Variants in GLYAT observed in about 807,000 individuals in gnomAD.
GLYAT encodes the protein glycine N-acyltransferase.
A neutral mutation model predicts 22.8 loss-of-function variants in GLYAT; 25 were observed. That is an observed-to-expected ratio of 1.09 (90% confidence interval 0.80 to 1.53). The LOEUF (loss-of-function observed/expected upper bound fraction) is 1.53, where lower values mean the gene tolerates loss of function less well. Ranked by LOEUF, GLYAT falls within the 40% of genes most tolerant of loss-of-function variation. The probability of loss-of-function intolerance (pLI) is 0.00; values close to 1 mark genes in which losing one functional copy is unlikely to be tolerated. For synonymous variants in GLYAT, 140 were observed against 122.7 expected (o/e 1.14, Z -0.93); for missense variants, 411 against 353.9 (o/e 1.16, Z -1.29).
intron 2 of GLYAT, among the ~76,000 whole-genome samples, 187 bp from the exon 3 acceptor site, chr11:58,715,610 AC>A (rs1306005273): frequency 6.6e-6 from 1 of 152,178 alleles, no homozygotes; most frequent in Non-Finnish European, 1.5e-5. Context: ...AGGGCAGACA[AC>A]CACTGTATTA....
intron 3 of GLYAT, among the ~76,000 whole-genome samples, 199 bp downstream of exon 3, chr11:58,715,117 T>C (rs1256704733): frequency 6.6e-6 from 1 of 152,092 alleles, no homozygotes; most frequent in African/African-American, 2.4e-5. Flanking sequence ...TGTATCCTGT[T>C]TATCTTCTGT....
chr11:58,725,842 G>T (rs1442250547), intron 1 of GLYAT, among the ~76,000 whole-genome samples: 1 of 152,172 alleles, frequency 6.6e-6, no homozygotes, highest in Non-Finnish European at 1.5e-5. Context: ...GGGGTGGGCT[G>T]TCCACATGTT....
At chr11:58,731,549 A>T (rs756123147) in intron 1 of GLYAT, among the ~76,000 whole-genome samples, 1 of 152,204 alleles carries the variant, frequency 6.6e-6, no homozygotes, top group Admixed American at 6.5e-5. Context: ...CAATAATTAC[A>T]TTAAAAAAAT....
In GLYAT at chr11:58,708,794, T is replaced by C. The variant is rs1055357299; in HGVS notation, c.*972A>G. On this transcript the variant is annotated 3_prime_UTR_variant, in exon 6 of 6. Transcript: ENST00000344743. ...ATTTTTAATTATTTTATTATTATTTTAAATAAACAAATAAGTTCAGACTGT... is the reference window on the plus strand; with the variant it reads ...ATTTTTAATTATTTTATTATTATTTCAAATAAACAAATAAGTTCAGACTGT... The C allele has an allele frequency of 1.3e-5, 2 of 152,194 alleles. No homozygotes were observed. Among genetic ancestry groups the C allele is most frequent in the African/African-American group, 4.8e-5 (2 of 41,448 alleles). The allele number at this position is 152,194 out of a possible 1,614,324, so 9.4% of individuals were successfully genotyped here. A position where few individuals can be genotyped will look rare whatever the true frequency, so the allele number is the denominator to read the frequency against.
At chr11:58,710,349 G>A (rs1179649128) in intron 5 of GLYAT, 181 bp from the exon 6 acceptor site, 28 of 1,053,698 alleles carry the variant, frequency 2.7e-5, no homozygotes, top group Non-Finnish European at 2.0e-5. Context: ...GAGGAAGAAA[G>A]CAGGAAGGGC....
At position 58,710,149 on chromosome 11, in the gene GLYAT, G is replaced by A. The variant is rs368483264; in HGVS notation, c.508C>T (p.Leu170Phe). 2 of 1,613,042 alleles carry A rather than the reference G, an allele frequency of 1.2e-6. No homozygotes were observed. The highest frequency in any genetic ancestry group is 1.3e-5 in the African/African-American group (1 of 75,046). Residue 170 changes from leucine (L) to phenylalanine (F), a missense_variant, in exon 6 of 6, where the codon CTC becomes TTC. By Grantham distance (22) the Leu-to-Phe change is conservative. Coordinates refer to ENST00000344743, the MANE Select transcript of GLYAT (RefSeq NM_201648.3). ...GCATGGGTAACATCCATGGATGAGA[G>A]TTTAAACATCTCTTGGTTGCTATGG... ...PKAINQEMFK[L>F]SSMDVTHAHL...
intron 1 of GLYAT, among the ~76,000 whole-genome samples, chr11:58,728,029 G>A (rs1047201562): frequency 3.7e-5 from 4 of 108,250 alleles, no homozygotes; most frequent in African/African-American, 1.4e-4. Context: ...GTGCACTTTA[G>A]TTCTTTTCCT....
chr11:58,712,154 G>T (rs980191868), intron 4 of GLYAT, among the ~76,000 whole-genome samples: 1 of 152,190 alleles, frequency 6.6e-6, no homozygotes, highest in African/African-American at 2.4e-5. Flanking sequence ...GAATTATTAG[G>T]TTTGCTATGC....
chr11:58,731,345 A>G (rs998568601), intron 1 of GLYAT, among the ~76,000 whole-genome samples: 2 of 152,146 alleles, frequency 1.3e-5, no homozygotes, highest in African/African-American at 4.8e-5. Flanking sequence ...TTATTCATTT[A>G]TTAGTCGAGA....
chr11:58,724,196 T>C (rs1461442120), intron 2 of GLYAT: 2 of 451,044 alleles, frequency 4.4e-6, no homozygotes, highest in Admixed American at 7.7e-5. Context: ...ACTCAGTATT[T>C]GTGATATATT....
chr11:58,730,915 T>A (rs929487589), intron 1 of GLYAT, among the ~76,000 whole-genome samples: 1 of 152,168 alleles, frequency 6.6e-6, no homozygotes, highest in Non-Finnish European at 1.5e-5. Context: ...ATTAACATAA[T>A]GCCTACAGAC....
chr11:58,724,443 C>G lies in GLYAT; in HGVS notation c.54G>C (p.Leu18Phe), dbSNP rs554742715. 6.2e-7 allele frequency: 1 copy of G among 1,606,260 alleles called. No individual in the cohort carries two copies. ...AQMLQMLEKS[L>F]RKSLPASLKV... The stretch of plus-strand genomic sequence containing the variant: ...TTAAGGATGCTGGGAGGCTCTTCCT[C>G]AAGGATTTCTCCAGCATCTGCAGCA... Residue 18 changes from leucine to phenylalanine, a missense_variant, in exon 2 of 6, where the codon TTG (leucine) becomes TTC (phenylalanine). Physicochemically the swap from Leu to Phe is conservative, Grantham distance 22. Transcript: ENST00000344743.
intron 1 of GLYAT, among the ~76,000 whole-genome samples, chr11:58,725,129 T>C (rs1287131043): frequency 1.3e-5 from 2 of 152,166 alleles, no homozygotes; most frequent in Non-Finnish European, 2.9e-5. Context: ...CATTCTGACA[T>C]GGTCTAAATA....
At position 58,730,216 on chromosome 11, in the gene GLYAT, T is replaced by C. The variant is rs1462712338; in HGVS notation, c.-16+1619A>G. ...TAGGCTGAGCATGGTGGCTTGCACC[T>C]GTAATTCCAGCACTTTCAGAGGCCA... On this transcript the variant is annotated intron_variant, in intron 1 of 5. Transcript: ENST00000344743. Among the ~76,000 whole-genome samples the C allele has an allele frequency of 3.3e-5, 5 of 152,144 alleles. No homozygotes were observed. In the East Asian group the frequency reaches 9.6e-4, roughly 29 times the overall value.
rs750290194 is a variant in GLYAT at position 58,710,700 on chromosome 11, G to C, written c.378C>G (p.Val126=). Reference sequence around the variant, plus strand: ...TATAGAGAATGCGTTGTGTTTGTTTGACTTTGAAGGACTTAATGGCTGCAA... The same window carrying C: ...TATAGAGAATGCGTTGTGTTTGTTTCACTTTGAAGGACTTAATGGCTGCAA... ...QNLAAIKSFK[V]KQTQRILYMA... Residue 126 remains valine (V), a synonymous_variant, in exon 5 of 6, where the codon GTC becomes GTG. Transcript: ENST00000344743. 6.2e-7 allele frequency: 1 copy of C among 1,613,462 alleles called. No individual in the cohort carries two copies. The highest frequency in any genetic ancestry group is 8.5e-7 in the Non-Finnish European group (1 of 1,179,446).
At chr11:58,716,812 C>T (rs1444578610) in intron 2 of GLYAT, among the ~76,000 whole-genome samples, 1 of 152,038 alleles carries the variant, frequency 6.6e-6, no homozygotes, top group Non-Finnish European at 1.5e-5. Flanking sequence ...GACACATGCC[C>T]AAGGTGGCTG....
At chr11:58,713,612 G>C (rs1488236459) in intron 3 of GLYAT, among the ~76,000 whole-genome samples, 1 of 152,066 alleles carries the variant, frequency 6.6e-6, no homozygotes, top group African/African-American at 2.4e-5. Flanking sequence ...TGCAGTTCCA[G>C]AGAAACAAAC....
intron 1 of GLYAT, 76 bp downstream of exon 1, chr11:58,731,759 T>A (rs1398847006): frequency 6.6e-6 from 1 of 152,158 alleles, no homozygotes; most frequent in African/African-American, 2.4e-5. Flanking sequence ...TTCTATTAAC[T>A]ATAGTTCTCA....
At chr11:58,729,114 G>T (rs1856846098) in intron 1 of GLYAT, among the ~76,000 whole-genome samples, 1 of 152,080 alleles carries the variant, frequency 6.6e-6, no homozygotes, top group South Asian at 2.1e-4. Flanking sequence ...AGCCTCTTCT[G>T]TTGCTACCAT....
Sources: gnomAD v4.1 joint callset for allele counts (sites outside exome capture counted in the v4.1 genomes callset) on GRCh38, gnomAD v4.1.1 for gene constraint, MANE v1.5 for transcripts, NCBI Gene and HGNC (gene_info 2026-07-23, HGNC 2026-07-21) for gene names.